BLTP1: variants seen among roughly 807,000 people sequenced by gnomAD.
The protein encoded by BLTP1 is bridge-like lipid transfer protein family member 1.
chr4:122,331,264 ATAGT>A, the BLTP1 span: 9 of 1,514,250 alleles, frequency 5.9e-6, no homozygotes, highest in Non-Finnish European at 7.9e-6. Flanking sequence ...ATGTTGGAAA[ATAGT>A]TTGTTAAAAA....
chr4:122,334,993 G>C, the BLTP1 span, among the ~76,000 whole-genome samples: 1 of 151,928 alleles, frequency 6.6e-6, no homozygotes, highest in African/African-American at 2.4e-5. Context: ...GCACAGTTTG[G>C]CTCAGTGGAT....
chr4:122,308,740 C>T, the BLTP1 span, among the ~76,000 whole-genome samples: 641 of 152,126 alleles, frequency 4.2e-3, 4 homozygotes, highest in African/African-American at 0.015. Flanking sequence ...CCTGTCAGGC[C>T]AAGAAGCAAC....
chr4:122,187,543 A>G, the BLTP1 span: 15 of 1,596,426 alleles, frequency 9.4e-6, no homozygotes, highest in Admixed American at 1.7e-5. Context: ...TTACTGTTTC[A>G]TGGGGTAGTA....
the BLTP1 span, chr4:122,254,788 T>G: frequency 1.2e-4 from 175 of 1,499,812 alleles, no homozygotes; most frequent in African/African-American, 2.1e-3. Flanking sequence ...TTATAATTTT[T>G]TATTTATGTT....
At chr4:122,297,393 G>C in the BLTP1 span, among the ~76,000 whole-genome samples, 5 of 152,094 alleles carry the variant, frequency 3.3e-5, no homozygotes, top group South Asian at 2.1e-4. Flanking sequence ...TTATTAAAAA[G>C]TCAAGAAACA....
chr4:122,315,349 A>C, the BLTP1 span: 20 of 1,353,102 alleles, frequency 1.5e-5, no homozygotes, highest in Non-Finnish European at 2.0e-5. Context: ...TGTTTCTGAC[A>C]AGTTTAGCAG....
At chr4:122,173,127 A>T in the BLTP1 span, 1 of 1,611,852 alleles carries the variant, frequency 6.2e-7, no homozygotes, top group Admixed American at 1.7e-5. Flanking sequence ...TTAACAGATT[A>T]TACAAGCATG....
chr4:122,220,608 G>C, the BLTP1 span: 2 of 686,118 alleles, frequency 2.9e-6, no homozygotes, highest in Non-Finnish European at 4.7e-6. Flanking sequence ...GTATTAAGAA[G>C]TTTTGTATGT....
chr4:122,315,524 C>T, the BLTP1 span: 1 of 1,614,078 alleles, frequency 6.2e-7, no homozygotes, highest in Admixed American at 1.7e-5. Flanking sequence ...GATTGATGTT[C>T]ACATGGATCC....
the BLTP1 span, chr4:122,246,867 C>A: frequency 6.4e-7 from 1 of 1,565,360 alleles, no homozygotes; most frequent in Non-Finnish European, 8.7e-7. Flanking sequence ...TAAAAGCAAG[C>A]CTTGATCATC....
chr4:122,274,735 T>C, the BLTP1 span: 1 of 459,000 alleles, frequency 2.2e-6, no homozygotes, highest in Non-Finnish European at 2.9e-6. Context: ...TTTCTTAATA[T>C]TATGACTAGT....
the BLTP1 span, chr4:122,193,621 T>A: frequency 9.2e-6 from 7 of 759,290 alleles, no homozygotes; most frequent in Non-Finnish European, 1.1e-5. Flanking sequence ...AGCATCTAAG[T>A]TTTTATGTAC....
the BLTP1 span, chr4:122,282,064 A>G: frequency 7.1e-6 from 7 of 979,726 alleles, no homozygotes; most frequent in East Asian, 6.8e-4. Context: ...TTCTACATCT[A>G]TTAAGTTTTT....
At chr4:122,305,850 T>G in the BLTP1 span, 1 of 1,532,908 alleles carries the variant, frequency 6.5e-7, no homozygotes, top group Non-Finnish European at 8.8e-7. Flanking sequence ...ATTATTTTAT[T>G]TTATTGAGCT....
the BLTP1 span, chr4:122,238,134 C>T: frequency 1.9e-6 from 3 of 1,613,720 alleles, no homozygotes; most frequent in Non-Finnish European, 8.5e-7. Context: ...GAAAACAAAT[C>T]AGTGGGAATA....
chr4:122,206,419 G>A, the BLTP1 span, among the ~76,000 whole-genome samples: 4 of 151,812 alleles, frequency 2.6e-5, no homozygotes, highest in African/African-American at 4.8e-5. Flanking sequence ...ATACCTTTCC[G>A]GTAGGAGTGT....
At chr4:122,359,705 T>C in the BLTP1 span, 330,949 of 1,609,210 alleles carry the variant, frequency 0.21, 37,542 homozygotes, top group Non-Finnish European at 0.22. Flanking sequence ...ATACATGGCA[T>C]CTAGAACCTA....
chr4:122,247,294 G>T, the BLTP1 span: 2 of 1,613,452 alleles, frequency 1.2e-6, no homozygotes. Flanking sequence ...AAAAGGCAAA[G>T]AAATTGCAGC....
At chr4:122,261,179 A>T in the BLTP1 span, 1 of 491,972 alleles carries the variant, frequency 2.0e-6, no homozygotes, top group Non-Finnish European at 2.6e-6. Flanking sequence ...ATAGTTTGAT[A>T]TACTTTAAAA....
Sources: gnomAD v4.1 joint callset for allele counts (sites outside exome capture counted in the v4.1 genomes callset) on GRCh38, gnomAD v4.1.1 for gene constraint, MANE v1.5 for transcripts, NCBI Gene and HGNC (gene_info 2026-07-23, HGNC 2026-07-21) for gene names.